STAC: variants seen among roughly 807,000 people sequenced by gnomAD.
STAC encodes the protein SH3 and cysteine rich domain, also known as SH3 and cysteine-rich domain-containing protein.
A neutral mutation model predicts 48.8 loss-of-function variants in STAC; 43 were observed. The ratio of observed to expected loss-of-function variants is 0.88; its 90% CI spans 0.69 to 1.14. The LOEUF is 1.14. STAC is among the 50% of genes most tolerant of loss of function. The probability of loss-of-function intolerance (pLI) is 0.00; values close to 1 mark genes in which losing one functional copy is unlikely to be tolerated. For missense variants in STAC, 497 were observed against 504.0 expected (o/e 0.99, Z 0.13); for synonymous variants, 193 against 179.5 (o/e 1.07, Z -0.60).
intron 1 of STAC, among the ~76,000 whole-genome samples, chr3:36,386,317 GCTT>G (rs1699614977): frequency 2.0e-5 from 3 of 151,002 alleles, no homozygotes; most frequent in Admixed American, 6.6e-5. Flanking sequence ...TGGGTTATTT[GCTT>G]CTTATTAATT....
intron 5 of STAC, among the ~76,000 whole-genome samples, chr3:36,492,031 A>AATATATATATATATATATATATATAT (rs11267408): frequency 1.2e-4 from 2 of 16,440 alleles, no homozygotes; most frequent in African/African-American, 1.9e-4. Flanking sequence ...AAAAAAAAAA[A>AATATATATATATATATATATATATAT]ATATATATAT....
intron 1 of STAC, among the ~76,000 whole-genome samples, chr3:36,405,444 G>C (rs1700071395): frequency 1.3e-5 from 2 of 152,144 alleles, no homozygotes; most frequent in African/African-American, 2.4e-5. Context: ...GCCCTCCCCA[G>C]TGAAAGCTTC....
chr3:36,523,916 CAGA>C (rs1434461933), intron 8 of STAC, among the ~76,000 whole-genome samples: 2 of 152,142 alleles, frequency 1.3e-5, no homozygotes, highest in Non-Finnish European at 1.5e-5. Flanking sequence ...AGAAAGGGTT[CAGA>C]AGAAAACTCA....
intron 8 of STAC, 48 bp downstream of exon 8, chr3:36,505,882 T>G (rs1239345294): frequency 3.8e-6 from 5 of 1,323,338 alleles, no homozygotes; most frequent in African/African-American, 1.5e-5. Context: ...TTAAAGTCAG[T>G]ATTTCTCCAT....
chr3:36,456,572 G>A (rs1011864656), intron 2 of STAC, among the ~76,000 whole-genome samples: 1 of 152,122 alleles, frequency 6.6e-6, no homozygotes, highest in East Asian at 1.9e-4. Context: ...CCTGCTGTCT[G>A]GAGGTCTAGT....
chr3:36,423,666 C>T (rs1241498770), intron 1 of STAC, among the ~76,000 whole-genome samples: 4 of 151,864 alleles, frequency 2.6e-5, no homozygotes, highest in Non-Finnish European at 4.4e-5. Flanking sequence ...ACTTACTTTT[C>T]GATAAGTTTC....
rs184605017 is a variant in STAC, at chr3:36,388,064, A to T, written c.111+7310A>T. On this transcript the variant is annotated intron_variant, in intron 1 of 10. Transcript: ENST00000273183. ...TATCTCATGTTTAGTGATGTAGATC[A>T]TGTTTTTATGTGCTTATAGGTTATT... is the stretch of plus-strand genomic sequence containing the variant. Among the ~76,000 whole-genome samples the T allele has an allele frequency of 6.6e-5, 10 of 152,168 alleles. No individual in the cohort carries two copies. The East Asian group carries it at 1.9e-3, about 29-fold the overall frequency.
At chr3:36,518,610 C>T (rs6777181) in intron 8 of STAC, among the ~76,000 whole-genome samples, 108,969 of 152,050 alleles carry the variant, frequency 0.72, 39,379 homozygotes, top group African/African-American at 0.78. Flanking sequence ...GATTCATGAA[C>T]GGCCGCTCCT....
intron 1 of STAC, among the ~76,000 whole-genome samples, chr3:36,396,551 A>G (rs533642132): frequency 3.3e-5 from 5 of 152,260 alleles, no homozygotes; most frequent in Admixed American, 1.3e-4. Flanking sequence ...TGGAATGCTC[A>G]GGAAAGGAGT....
intron 2 of STAC, among the ~76,000 whole-genome samples, chr3:36,470,439 T>C (rs551011548): frequency 6.6e-5 from 10 of 152,358 alleles, no homozygotes; most frequent in East Asian, 1.9e-4. Context: ...CTTTCAGCTA[T>C]GGATTCCAGC....
In STAC at chr3:36,512,940, T is replaced by C. The variant is rs1698578138; in HGVS notation, c.920+7106T>C. On this transcript the variant is annotated intron_variant, in intron 8 of 10. Transcript: ENST00000273183. Reference sequence around the variant, plus strand: ...TGTGAATTACCTTTTTCTCCTCAGATCATAAGGTAGAAAAAAATTCCTTTT... The same window carrying C: ...TGTGAATTACCTTTTTCTCCTCAGACCATAAGGTAGAAAAAAATTCCTTTT... Among the ~76,000 whole-genome samples the C allele has an allele frequency of 2.0e-5, 3 of 152,122 alleles. No individual in the cohort carries two copies. The South Asian group carries it at 6.2e-4, about 32-fold the overall frequency.
chr3:36,470,977 G>T (rs937830777), intron 2 of STAC, among the ~76,000 whole-genome samples: 29 of 152,156 alleles, frequency 1.9e-4, no homozygotes, highest in Non-Finnish European at 3.7e-4. Flanking sequence ...AAGATATAAG[G>T]GAGGAATTTG....
At chr3:36,440,787 A>G (rs1335329111) in intron 1 of STAC, among the ~76,000 whole-genome samples, 3 of 152,196 alleles carry the variant, frequency 2.0e-5, no homozygotes, top group Non-Finnish European at 4.4e-5. Flanking sequence ...GGACTTTTGA[A>G]GTGGAACTTA....
intron 6 of STAC, among the ~76,000 whole-genome samples, chr3:36,499,151 T>C (rs1022672822): frequency 3.9e-5 from 6 of 152,160 alleles, no homozygotes; most frequent in African/African-American, 1.4e-4. Context: ...CAAAACATTT[T>C]AAAAAGATGT....
At chr3:36,497,449 A>G (rs1698177175) in intron 6 of STAC, among the ~76,000 whole-genome samples, 1 of 152,190 alleles carries the variant, frequency 6.6e-6, no homozygotes. Flanking sequence ...TAAAACATGA[A>G]TTCAGAGATA....
At chr3:36,418,013 T>C (rs1455987498) in intron 1 of STAC, among the ~76,000 whole-genome samples, 2 of 152,224 alleles carry the variant, frequency 1.3e-5, no homozygotes, top group African/African-American at 4.8e-5. Context: ...TTTGTGGTTA[T>C]ACCACCTTTC....
intron 2 of STAC, among the ~76,000 whole-genome samples, chr3:36,454,161 G>T (rs899500787): frequency 6.6e-6 from 1 of 152,122 alleles, no homozygotes; most frequent in Non-Finnish European, 1.5e-5. Context: ...CCTCTTCCAC[G>T]CTGTGGAAGC....
At chr3:36,415,001 A>G (rs968991956) in intron 1 of STAC, among the ~76,000 whole-genome samples, 3 of 152,162 alleles carry the variant, frequency 2.0e-5, no homozygotes, top group African/African-American at 4.8e-5. Context: ...CTGAACAGCA[A>G]ATGTTGCTGT....
chr3:36,506,067 A>C (rs953549261), intron 8 of STAC: 5 of 346,496 alleles, frequency 1.4e-5, no homozygotes, highest in African/African-American at 1.1e-4. Flanking sequence ...AGGAGTTCCC[A>C]GGTGGCACTG....
Sources: gnomAD v4.1 joint callset for allele counts (sites outside exome capture counted in the v4.1 genomes callset) on GRCh38, gnomAD v4.1.1 for gene constraint, MANE v1.5 for transcripts, NCBI Gene and HGNC (gene_info 2026-07-23, HGNC 2026-07-21) for gene names.